Variants in EIF3A observed in about 807,000 individuals in gnomAD.
EIF3A encodes the protein EIF3, p180 subunit.
In EIF3A, 21 loss-of-function variants were observed where a neutral mutation model predicts 186.6. The ratio of observed to expected loss-of-function variants is 0.11; its 90% CI spans 0.08 to 0.16. The LOEUF (loss-of-function observed/expected upper bound fraction) is 0.16, where lower values mean the gene tolerates loss of function less well. Among genes scored for constraint, EIF3A ranks in the 10% least tolerant of loss-of-function variants. The pLI, the probability that EIF3A is intolerant of heterozygous loss-of-function variation, is 1.00. For missense variants in EIF3A, 1,306 were observed against 1,796.3 expected, an observed-to-expected ratio of 0.73 and a Z score of 4.93; for synonymous variants, 563 against 584.3, an observed-to-expected ratio of 0.96 and a Z score of 0.52.
intron 6 of EIF3A, among the ~76,000 whole-genome samples, chr10:119,069,142 G>A (rs1018537639): frequency 6.6e-6 from 1 of 152,192 alleles, no homozygotes; most frequent in Admixed American, 6.5e-5. Context: ...TATCACCTGA[G>A]GTGAGGAGTT....
intron 16 of EIF3A, 75 bp downstream of exon 16, chr10:119,050,446 C>A (rs1224605883): frequency 2.1e-6 from 3 of 1,430,226 alleles, no homozygotes; most frequent in Non-Finnish European, 2.9e-6. Flanking sequence ...GTATTTTCTA[C>A]ATAAGATCAC....
At position 119,078,664 on chromosome 10, in the gene EIF3A, CCA is replaced by C. The variant is rs963348540; in HGVS notation, c.49+1962_49+1963del. 5.3e-5 allele frequency among the ~76,000 whole-genome samples: 8 copies of C among 152,190 alleles called. No homozygotes were observed. In the East Asian group the frequency reaches 7.7e-4, roughly 15 times the overall value. Reference sequence around the variant, plus strand: ...AACAGCTTCAAAGGGCTGCAAGGGACCACAGTCTTTTTTAAAAAGCTACACAA... The same window carrying C: ...AACAGCTTCAAAGGGCTGCAAGGGACCAGTCTTTTTTAAAAAGCTACACAA... On this transcript the variant is annotated intron_variant, in intron 1 of 21. Transcript: ENST00000369144.
intron 1 of EIF3A, among the ~76,000 whole-genome samples, chr10:119,080,152 G>A (rs528403272): frequency 6.5e-4 from 99 of 152,320 alleles, no homozygotes; most frequent in African/African-American, 1.9e-3. Context: ...GGGTGGGTCC[G>A]TAGGGCTCCC....
chr10:119,079,833 A>T (rs1405665461), intron 1 of EIF3A, among the ~76,000 whole-genome samples: 2 of 152,234 alleles, frequency 1.3e-5, no homozygotes, highest in Non-Finnish European at 2.9e-5. Flanking sequence ...TCTTGGCTCA[A>T]CAACTCCCGG....
chr10:119,058,639 T>C (rs1843830726), intron 11 of EIF3A, among the ~76,000 whole-genome samples: 1 of 152,210 alleles, frequency 6.6e-6, no homozygotes, highest in Admixed American at 6.5e-5. Context: ...CCCATCACTT[T>C]TGGGAGGCCA....
chr10:119,070,199 A>G (rs1844049652), intron 5 of EIF3A, among the ~76,000 whole-genome samples: 1 of 152,214 alleles, frequency 6.6e-6, no homozygotes, highest in Admixed American at 6.5e-5. Context: ...TCCGTCAAAT[A>G]TACAAAAGAC....
intron 14 of EIF3A, among the ~76,000 whole-genome samples, chr10:119,052,368 T>TTGTGTGTGTCTGTGTG (rs1848368475): frequency 8.1e-6 from 1 of 122,972 alleles, no homozygotes; most frequent in African/African-American, 2.9e-5. Flanking sequence ...TTTTTTGGTT[T>TTGTGTGTGTCTGTGTG]TGTGTGTGTG....
intron 4 of EIF3A, among the ~76,000 whole-genome samples, chr10:119,072,644 G>T (rs978919936): frequency 1.3e-5 from 2 of 152,024 alleles, no homozygotes; most frequent in Non-Finnish European, 2.9e-5. Flanking sequence ...TAGTAGAGAA[G>T]GGGCTTCACC....
rs757963072 is a variant in EIF3A, at chr10:119,036,124, G to T, written c.4064C>A (p.Ser1355Ter). 4 of 1,613,628 alleles carry T rather than the reference G, an allele frequency of 2.5e-6. No homozygotes were observed. The highest frequency in any genetic ancestry group is 3.4e-6 in the Non-Finnish European group (4 of 1,179,938). ...TTCCCTATCTTTCTCAGCTCTCCATGAGGCCTTCTCTTTTTCACCTTCTCT... is the reference window on the plus strand; with the variant it reads ...TTCCCTATCTTTCTCAGCTCTCCATTAGGCCTTCTCTTTTTCACCTTCTCT... ...REREGEKEKA[S>*]WRAEKDRESL... The change falls in exon 22 of 22, where the codon TCA (serine) becomes TAA (stop). Residue 1355 changes from serine to a stop codon, truncating the protein, a stop_gained. Coordinates refer to ENST00000369144, the MANE Select transcript of EIF3A (RefSeq NM_003750.4). LOFTEE classifies it high-confidence loss of function.
chr10:119,077,645 C>T (rs1844199830), intron 1 of EIF3A, among the ~76,000 whole-genome samples: 1 of 151,510 alleles, frequency 6.6e-6, no homozygotes, highest in Admixed American at 6.6e-5. Context: ...AGCTCCACCT[C>T]CTGGGTTCAT....
chr10:119,070,675 T>C (rs1844057339), intron 5 of EIF3A, among the ~76,000 whole-genome samples: 1 of 152,216 alleles, frequency 6.6e-6, no homozygotes, highest in African/African-American at 2.4e-5. Context: ...AAAGAGATTA[T>C]ATGGTTTGGT....
chr10:119,076,225 T>C (rs1296352223), intron 1 of EIF3A, among the ~76,000 whole-genome samples: 1 of 149,554 alleles, frequency 6.7e-6, no homozygotes, highest in African/African-American at 2.5e-5. Flanking sequence ...CCTAGCTACT[T>C]GGGAGGCTGA....
chr10:119,065,250 G>A, intron 7 of EIF3A, 149 bp downstream of exon 7: 1 of 610,118 alleles, frequency 1.6e-6, no homozygotes, highest in Non-Finnish European at 2.9e-6. Flanking sequence ...ACTGCCTCAA[G>A]TGAACAGTGA....
intron 17 of EIF3A, among the ~76,000 whole-genome samples, chr10:119,046,848 T>C (rs1848288344): frequency 2.6e-5 from 4 of 152,016 alleles, no homozygotes; most frequent in South Asian, 4.2e-4. Context: ...TCCCACCTAC[T>C]TGGGAGGCTG....
intron 17 of EIF3A, among the ~76,000 whole-genome samples, chr10:119,048,717 G>A (rs1040200985): frequency 1.3e-5 from 2 of 151,448 alleles, no homozygotes; most frequent in African/African-American, 4.9e-5. Flanking sequence ...TGTCACCCAG[G>A]CTTGAGTGCA....
intron 20 of EIF3A, among the ~76,000 whole-genome samples, chr10:119,037,999 C>A (rs1848158212): frequency 6.7e-6 from 1 of 149,260 alleles, no homozygotes; most frequent in African/African-American, 2.5e-5. Context: ...TCACCACAAC[C>A]TCTGCCTCCC....
At position 119,037,165 on chromosome 10, in the gene EIF3A, G is replaced by A. The variant is rs774454537; in HGVS notation, c.3873C>T (p.Asp1291=). 57 of 1,611,534 alleles carry A rather than the reference G, an allele frequency of 3.5e-5. 1 individual carries two copies. The highest frequency in any genetic ancestry group is 2.7e-4 in the Admixed American group (16 of 59,600). The change falls in exon 21 of 22, where the codon GAC becomes GAT. Residue 1291 remains aspartate (D), a synonymous_variant. Coordinates refer to ENST00000369144, the MANE Select transcript of EIF3A (RefSeq NM_003750.4). ...GTGGAGGTCCTCTTCGGTCCCTGTC[G>A]TCTCTTAGATCTCGTCTTTCTCTTA... ...RDLRERRDLR[D]DRDRRGPPLR...
chr10:119,048,570 T>C (rs902347230), intron 17 of EIF3A, among the ~76,000 whole-genome samples: 2 of 152,154 alleles, frequency 1.3e-5, no homozygotes, highest in Admixed American at 1.3e-4. Context: ...AAAGTCTGCG[T>C]TTCTAACAAG....
At chr10:119,057,158 T>G in intron 12 of EIF3A, 118 bp from the exon 13 acceptor site, 1 of 627,780 alleles carries the variant, frequency 1.6e-6, no homozygotes, top group Non-Finnish European at 2.8e-6. Context: ...TGGGTGATAA[T>G]TTAGGAAATG....
Sources: allele counts gnomAD v4.1 joint callset (sites outside exome capture counted in the v4.1 genomes callset), GRCh38; gene constraint gnomAD v4.1.1; transcripts MANE v1.5; gene names NCBI Gene and HGNC (gene_info 2026-07-23, HGNC 2026-07-21).